ADAM10: variants seen among roughly 807,000 people sequenced by gnomAD.
ADAM10 encodes the protein ADAM metallopeptidase domain 10.
A neutral mutation model predicts 90.1 loss-of-function variants in ADAM10; 17 were observed. That is an observed-to-expected ratio of 0.19 (90% CI 0.13 to 0.28). ADAM10 has a LOEUF of 0.28. Among genes scored for constraint, ADAM10 ranks in the 10% least tolerant of loss-of-function variants. The probability of loss-of-function intolerance (pLI) is 1.00; values close to 1 mark genes in which losing one functional copy is unlikely to be tolerated. For synonymous variants in ADAM10, 310 were observed against 298.6 expected (o/e 1.04, Z -0.40); for missense variants, 610 against 914.3 (o/e 0.67, Z 4.29).
chr15:58,713,828 T>G (rs902392526), intron 2 of ADAM10, among the ~76,000 whole-genome samples: 6 of 152,208 alleles, frequency 3.9e-5, no homozygotes, highest in South Asian at 2.1e-4. Context: ...TTTTTTTTTT[T>G]TCTGAGATGA....
At position 58,593,694 on chromosome 15, in the gene ADAM10, T is replaced by G. The variant is rs945019860; in HGVS notation, c.*3853A>C. On this transcript the variant is annotated 3_prime_UTR_variant, in exon 16 of 16. Coordinates refer to ENST00000260408, the MANE Select transcript of ADAM10 (RefSeq NM_001110.4). ...CACACCCTATCACTTTAGTGTAGATTTCAGGAAAAAGCAAAAACTAATCAG... is the reference window on the plus strand; with the variant it reads ...CACACCCTATCACTTTAGTGTAGATGTCAGGAAAAAGCAAAAACTAATCAG... 2.2e-4 allele frequency: 33 copies of G among 147,368 alleles called. No homozygotes were observed. The highest frequency in any genetic ancestry group is 8.3e-4 in the African/African-American group (33 of 39,842). The allele number at this position is 147,368 out of a possible 1,614,324, so 9.1% of individuals were successfully genotyped here.
chr15:58,651,545 A>G (rs1213114430), intron 5 of ADAM10, among the ~76,000 whole-genome samples: 14 of 152,250 alleles, frequency 9.2e-5, no homozygotes, highest in African/African-American at 3.4e-4. Context: ...TGCACTTAAC[A>G]TAATGACCTC....
chr15:58,723,905 G>C (rs1898944109), intron 1 of ADAM10, among the ~76,000 whole-genome samples: 2 of 152,088 alleles, frequency 1.3e-5, no homozygotes, highest in Admixed American at 1.3e-4. Flanking sequence ...AACAATCCTA[G>C]ACAAAGCAGA....
intron 5 of ADAM10, among the ~76,000 whole-genome samples, chr15:58,659,707 C>T (rs1386932165): frequency 6.6e-6 from 1 of 152,040 alleles, no homozygotes; most frequent in Non-Finnish European, 1.5e-5. Context: ...GTAACACTGC[C>T]CTCATAAAAT....
chr15:58,738,786 T>C (rs1313292519), intron 1 of ADAM10, among the ~76,000 whole-genome samples: 1 of 152,246 alleles, frequency 6.6e-6, no homozygotes, highest in Non-Finnish European at 1.5e-5. Context: ...TCTATGCTGA[T>C]TTGAAATTCT....
At chr15:58,636,878 T>C (rs143421436) in intron 8 of ADAM10, among the ~76,000 whole-genome samples, 262 of 152,294 alleles carry the variant, frequency 1.7e-3, no homozygotes, top group Middle Eastern at 0.014. Flanking sequence ...GACCAGACCA[T>C]AGTAATACTC....
At chr15:58,682,061 C>CCTTCATATGA in intron 3 of ADAM10, 135 bp downstream of exon 3, 1 of 1,197,994 alleles carries the variant, frequency 8.3e-7, no homozygotes, top group Non-Finnish European at 1.2e-6. Flanking sequence ...TCTCAAAGAC[C>CCTTCATATGA]ATTACCCTTC....
intron 2 of ADAM10, among the ~76,000 whole-genome samples, chr15:58,713,246 C>T (rs1898534736): frequency 6.6e-6 from 1 of 152,094 alleles, no homozygotes; most frequent in South Asian, 2.1e-4. Flanking sequence ...GGACTATAGG[C>T]ATGCACCACC....
Position 58,591,354 on chromosome 15 carries a change from T to A in ADAM10, c.*6193A>T, listed in dbSNP as rs531055985. 2 of 152,338 alleles carry A rather than the reference T, an allele frequency of 1.3e-5. No homozygotes were observed. The highest frequency in any genetic ancestry group is 3.9e-4 in the East Asian group (2 of 5,186). The allele number at this position is 152,338 out of a possible 1,614,324, so 9.4% of individuals were successfully genotyped here. ...TTATGAAAATCATTATGAATACAGG[T>A]CATTATCATGAATTACTGCTAAAAT... is the stretch of plus-strand genomic sequence containing the variant. On this transcript the variant is annotated 3_prime_UTR_variant, in exon 16 of 16. Transcript: ENST00000260408.
chr15:58,726,311 A>G (rs528541298), intron 1 of ADAM10, among the ~76,000 whole-genome samples: 1 of 152,192 alleles, frequency 6.6e-6, no homozygotes, highest in East Asian at 1.9e-4. Flanking sequence ...ATCATTTTTA[A>G]AAGTTTATAT....
intron 5 of ADAM10, among the ~76,000 whole-genome samples, chr15:58,647,098 A>G: frequency 6.6e-6 from 1 of 152,022 alleles, no homozygotes; most frequent in Non-Finnish European, 1.5e-5. Context: ...GTGCAACCTT[A>G]CATTTATTTG....
chr15:58,720,635 T>G (rs1316085616), intron 1 of ADAM10, among the ~76,000 whole-genome samples: 3 of 151,464 alleles, frequency 2.0e-5, no homozygotes, highest in Non-Finnish European at 4.4e-5. Flanking sequence ...TCTCCTGACC[T>G]CGTGATCCGC....
chr15:58,654,041 T>C (rs1451159737), intron 5 of ADAM10, among the ~76,000 whole-genome samples: 7 of 152,160 alleles, frequency 4.6e-5, no homozygotes, highest in African/African-American at 1.7e-4. Context: ...ATTTCATCTA[T>C]ACCACTTGTG....
rs1409844018 is a variant in ADAM10 at position 58,748,911 on chromosome 15, G to A, written c.55+569C>T. Reference sequence around the variant, plus strand: ...GCGGCCCCTCTGCAGAATGGGGTCGGTCAGGACCGGCGCGCCGGGTAAAGA... The same window carrying A: ...GCGGCCCCTCTGCAGAATGGGGTCGATCAGGACCGGCGCGCCGGGTAAAGA... On this transcript the variant is annotated intron_variant, in intron 1 of 15. Coordinates refer to ENST00000260408, the MANE Select transcript of ADAM10 (RefSeq NM_001110.4). 182 of 398,834 alleles carry A rather than the reference G, an allele frequency of 4.6e-4. 1 individual carries two copies. Among genetic ancestry groups the A allele is most frequent in the Non-Finnish European group, 1.6e-4 (36 of 226,284 alleles). The allele number at this position is 398,834 out of a possible 1,614,324, so 24.7% of individuals were successfully genotyped here. A position where few individuals can be genotyped will look rare whatever the true frequency, so the allele number is the denominator to read the frequency against.
chr15:58,648,687 T>C (rs1896613652), intron 5 of ADAM10, among the ~76,000 whole-genome samples: 1 of 152,190 alleles, frequency 6.6e-6, no homozygotes, highest in African/African-American at 2.4e-5. Context: ...ACTGTTCTCT[T>C]ATTTATCATA....
chr15:58,724,452 G>T (rs1344867212), intron 1 of ADAM10, among the ~76,000 whole-genome samples: 1 of 152,128 alleles, frequency 6.6e-6, no homozygotes, highest in African/African-American at 2.4e-5. Flanking sequence ...TAAAAGATGT[G>T]ACAAGAGAAA....
In ADAM10 at chr15:58,633,136, ACT is replaced by A. The variant is rs796460927; in HGVS notation, c.1176+58_1176+59del. The A allele has an allele frequency of 2.0e-5, 29 of 1,467,630 alleles. No homozygotes were observed. In the African/African-American group the frequency reaches 3.8e-4, roughly 19 times the overall value. The allele number at this position is 1,467,630 out of a possible 1,614,324, so 90.9% of individuals were successfully genotyped here. A position where few individuals can be genotyped will look rare whatever the true frequency, so the allele number is the denominator to read the frequency against. Reference sequence around the variant, plus strand: ...TTTCACGGTGAATTTTAAATAAATCACTCAACATAAAAATTAGACTAATAAGT... The same window carrying A: ...TTTCACGGTGAATTTTAAATAAATCACAACATAAAAATTAGACTAATAAGT... On this transcript the variant is annotated intron_variant, in intron 9 of 15. Coordinates refer to ENST00000260408, the MANE Select transcript of ADAM10 (RefSeq NM_001110.4).
Position 58,597,455 on chromosome 15 carries a change from G to T in ADAM10, c.*92C>A. The stretch of plus-strand genomic sequence containing the variant: ...TTTTCTTCAACTGTTACTTGTGAGG[G>T]TTTAGTTTGGAGATGATGACTTAAT... On this transcript the variant is annotated 3_prime_UTR_variant, in exon 16 of 16. Transcript: ENST00000260408. 6.2e-7 allele frequency: 1 copy of T among 1,600,324 alleles called. No homozygotes were observed. The highest frequency in any genetic ancestry group is 8.5e-7 in the Non-Finnish European group (1 of 1,172,622).
chr15:58,660,492 A>T (rs985945739), intron 5 of ADAM10, among the ~76,000 whole-genome samples: 5 of 151,706 alleles, frequency 3.3e-5, no homozygotes, highest in Non-Finnish European at 5.9e-5. Flanking sequence ...TTTTTTAATT[A>T]AAAAAAATTG....
Sources: gnomAD v4.1 joint callset for allele counts (sites outside exome capture counted in the v4.1 genomes callset) on GRCh38, gnomAD v4.1.1 for gene constraint, MANE v1.5 for transcripts, NCBI Gene and HGNC (gene_info 2026-07-23, HGNC 2026-07-21) for gene names.